TNS3: variants seen among roughly 807,000 people sequenced by gnomAD.
TNS3 encodes the protein tensin 3.
A neutral mutation model predicts 140.9 loss-of-function variants in TNS3; 45 were observed. The ratio of observed to expected loss-of-function variants is 0.32; its 90% CI spans 0.25 to 0.41. TNS3 has a LOEUF of 0.41. TNS3 is among the 10% of genes least tolerant of loss of function. The pLI is 1.00. For synonymous variants in TNS3, 815 were observed against 788.4 expected (o/e 1.03, Z -0.56); for missense variants, 1,716 against 1,906.7 (o/e 0.90, Z 1.86).
chr7:47,490,600 G>A (rs888240145), intron 3 of TNS3, among the ~76,000 whole-genome samples: 1 of 152,250 alleles, frequency 6.6e-6, no homozygotes, highest in Non-Finnish European at 1.5e-5. Flanking sequence ...GCCTTCGCCT[G>A]GAGCATCCCA....
chr7:47,275,445 G>C lies in TNS3; in HGVS notation c.*2631C>G. ...AGGACCCTGGCTATAACATGCGTTG[G>C]GCACAGTTCGTGAACTCTCCGCATT... is the stretch of plus-strand genomic sequence containing the variant. On this transcript the variant is annotated 3_prime_UTR_variant, in exon 31 of 31. Transcript: ENST00000311160. The C allele has an allele frequency of 5.4e-6, 1 of 185,816 alleles. No individual in the cohort carries two copies. Among genetic ancestry groups the C allele is most frequent in the South Asian group, 1.1e-4 (1 of 9,176 alleles). The allele number at this position is 185,816 out of a possible 1,614,324, so 11.5% of individuals were successfully genotyped here. A position where few individuals can be genotyped will look rare whatever the true frequency, so the allele number is the denominator to read the frequency against.
chr7:47,433,540 TCATTTCTTTCAATTTCATTTAA>T, intron 8 of TNS3, among the ~76,000 whole-genome samples: 1 of 152,320 alleles, frequency 6.6e-6, no homozygotes, highest in East Asian at 1.9e-4. Context: ...AATAATCTCA[TCATTTCTTTCAATTTCATTTAA>T]AAAATTGAAG....
chr7:47,478,891 C>A (rs974971102), intron 4 of TNS3, among the ~76,000 whole-genome samples: 1 of 151,802 alleles, frequency 6.6e-6, no homozygotes, highest in Non-Finnish European at 1.5e-5. Flanking sequence ...CAACTACATG[C>A]ATAACATACA....
At chr7:47,384,242 C>T (rs1451021660) in intron 16 of TNS3, among the ~76,000 whole-genome samples, 9 of 152,234 alleles carry the variant, frequency 5.9e-5, no homozygotes, top group Admixed American at 5.9e-4. Flanking sequence ...CAGACAGGCC[C>T]GTCCCAGGGG....
rs1048089630 is a variant in TNS3 at position 47,391,227 on chromosome 7, G to T, written c.1024+5573C>A. The stretch of plus-strand genomic sequence containing the variant: ...AATCTCCTTGGATTGTACAGGCAAA[G>T]TGGTTGTTTCTCTTCAATTCTTTCC... On this transcript the variant is annotated intron_variant, in intron 16 of 30. Transcript: ENST00000311160. Among the ~76,000 whole-genome samples, 9 of 152,326 alleles carry T rather than the reference G, an allele frequency of 5.9e-5. 1 individual carries two copies. The South Asian group carries it at 1.4e-3, about 25-fold the overall frequency.
chr7:47,296,950 GA>G, intron 24 of TNS3, 131 bp downstream of exon 24: 2 of 1,204,330 alleles, frequency 1.7e-6, no homozygotes, highest in African/African-American at 1.6e-5. Flanking sequence ...AAATATACCT[GA>G]AAAAATAAAT....
At chr7:47,582,406 G>T (rs1784558601), upstream of TNS3, 2 of 456,232 alleles carry the variant, frequency 4.4e-6, no homozygotes, top group South Asian at 1.5e-5. Flanking sequence ...TGCAGGTTCC[G>T]CCGGGCCGGT....
intron 6 of TNS3, among the ~76,000 whole-genome samples, chr7:47,438,673 C>A (rs1164480609): frequency 6.6e-6 from 1 of 152,178 alleles, no homozygotes; most frequent in Non-Finnish European, 1.5e-5. Context: ...GCTCTGGCAT[C>A]AGACGGAGGC....
chr7:47,437,195 A>G, intron 7 of TNS3, 68 bp downstream of exon 7: 1 of 1,121,358 alleles, frequency 8.9e-7, no homozygotes. Flanking sequence ...GTAGCAAATT[A>G]TTTTTGCACA....
At chr7:47,526,763 A>G (rs1167621486) in intron 2 of TNS3, among the ~76,000 whole-genome samples, 2 of 152,188 alleles carry the variant, frequency 1.3e-5, no homozygotes, top group African/African-American at 4.8e-5. Flanking sequence ...CTCTCCCAGT[A>G]TCGCCCAATG....
At chr7:47,383,679 A>G (rs910087077) in intron 16 of TNS3, among the ~76,000 whole-genome samples, 2 of 152,202 alleles carry the variant, frequency 1.3e-5, no homozygotes, top group Non-Finnish European at 2.9e-5. Context: ...TTTTATACAA[A>G]GCGTCTGGGG....
intron 1 of TNS3, among the ~76,000 whole-genome samples, chr7:47,548,259 C>T (rs1267575842): frequency 1.3e-5 from 2 of 152,194 alleles, no homozygotes; most frequent in Non-Finnish European, 2.9e-5. Flanking sequence ...CAGTGGCATA[C>T]AGCCTGCTGT....
Position 47,362,924 on chromosome 7 carries a change from C to T in TNS3, c.2281+5441G>A, listed in dbSNP as rs530117736. The stretch of plus-strand genomic sequence containing the variant: ...ACCACCATCAACATCACCATTACCA[C>T]CATTAACATCATCACCACCATCAAC... On this transcript the variant is annotated intron_variant, in intron 17 of 30. Transcript: ENST00000311160. 6.8e-4 allele frequency among the ~76,000 whole-genome samples: 37 copies of T among 54,740 alleles called. No homozygotes were observed. The South Asian group carries it at 0.019, about 29-fold the overall frequency. The allele number at this position is 54,740 out of a possible 152,430, so 35.9% of individuals were successfully genotyped here.
At chr7:47,562,137 C>T (rs1200242306) in intron 1 of TNS3, among the ~76,000 whole-genome samples, 2 of 152,118 alleles carry the variant, frequency 1.3e-5, no homozygotes, top group Non-Finnish European at 2.9e-5. Flanking sequence ...GGCAAAAATT[C>T]CCTGTGCACC....
intron 1 of TNS3, chr7:47,581,335 T>C (rs1291062160): frequency 9.2e-4 from 35 of 37,910 alleles, no homozygotes; most frequent in Admixed American, 1.9e-3. Context: ...CCCCAGAATA[T>C]CCCCCCACCC....
At chr7:47,534,647 C>A (rs181661689) in intron 1 of TNS3, among the ~76,000 whole-genome samples, 1 of 152,108 alleles carries the variant, frequency 6.6e-6, no homozygotes, top group Non-Finnish European at 1.5e-5. Flanking sequence ...TGTATATAAC[C>A]GACTATACTG....
chr7:47,566,342 C>T (rs573472259), intron 1 of TNS3, among the ~76,000 whole-genome samples: 1 of 152,186 alleles, frequency 6.6e-6, no homozygotes, highest in Non-Finnish European at 1.5e-5. Context: ...GTTACAATAG[C>T]GTGCTGCCCA....
chr7:47,526,437 C>A (rs1562831324), intron 2 of TNS3, among the ~76,000 whole-genome samples: 2 of 152,210 alleles, frequency 1.3e-5, no homozygotes, highest in Admixed American at 1.3e-4. Flanking sequence ...AATCCTAACA[C>A]CAGCAACAAA....
intron 2 of TNS3, among the ~76,000 whole-genome samples, chr7:47,511,686 TA>T (rs975977217): frequency 2.6e-5 from 4 of 151,858 alleles, no homozygotes; most frequent in Admixed American, 2.0e-4. Context: ...AACAGAAAGG[TA>T]AGTGAATTCT....
Sources: gnomAD v4.1 joint callset for allele counts (sites outside exome capture counted in the v4.1 genomes callset) on GRCh38, gnomAD v4.1.1 for gene constraint, MANE v1.5 for transcripts, NCBI Gene and HGNC (gene_info 2026-07-23, HGNC 2026-07-21) for gene names.